The following LPP variants were observed in gnomAD, a reference collection of about 807,000 sequenced individuals.
LPP encodes LIM domain containing preferred translocation partner in lipoma.
Under a neutral mutation model 60.4 loss-of-function variants are expected in LPP, and 38 were observed. The observed-to-expected ratio is 0.63, with a 90% CI of 0.49 to 0.83. The LOEUF (loss-of-function observed/expected upper bound fraction) is 0.83, where lower values mean the gene tolerates loss of function less well. Among genes scored for constraint, LPP ranks in the 40% least tolerant of loss-of-function variants. LPP has a pLI of 0.00. For missense variants in LPP, 902 were observed against 783.6 expected (o/e 1.15, Z -1.80); for synonymous variants, 328 against 290.8 (o/e 1.13, Z -1.30).
At chr3:188,524,836 A>G (rs769768008) in intron 6 of LPP, 49 bp downstream of exon 6, 3 of 1,560,342 alleles carry the variant, frequency 1.9e-6, no homozygotes, top group Admixed American at 3.7e-5. Flanking sequence ...CAGATATTCT[A>G]CTCTTATCAG....
At chr3:188,311,219 T>C (rs569687463) in intron 2 of LPP, among the ~76,000 whole-genome samples, 1 of 152,022 alleles carries the variant, frequency 6.6e-6, no homozygotes, top group East Asian at 1.9e-4. Flanking sequence ...TACTGTCAAA[T>C]CCCGGCACTA....
intron 6 of LPP, among the ~76,000 whole-genome samples, chr3:188,592,453 G>C (rs1838948267): frequency 6.7e-6 from 1 of 149,976 alleles, no homozygotes; most frequent in African/African-American, 2.5e-5. Flanking sequence ...CAAAACAGTT[G>C]TTATCACTAA....
chr3:188,889,371 G>T lies in LPP; in HGVS notation c.*14892G>T, dbSNP rs1333813515. 4.3e-6 allele frequency: 1 copy of T among 231,618 alleles called. No homozygotes were observed. The highest frequency in any genetic ancestry group is 6.1e-5 in the East Asian group (1 of 16,408). The allele number at this position is 231,618 out of a possible 1,614,324, so 14.3% of individuals were successfully genotyped here. A position where few individuals can be genotyped will look rare whatever the true frequency, so the allele number is the denominator to read the frequency against. On this transcript the variant is annotated 3_prime_UTR_variant, in exon 12 of 12. Coordinates refer to ENST00000617246, the MANE Select transcript of LPP (RefSeq NM_001375462.1). ...AGACAGTGCATGATTGTAGGAGAAG[G>T]GTTGAAGGGAGGACATGATTCCAAA...
intron 7 of LPP, among the ~76,000 whole-genome samples, chr3:188,679,519 CTGTGTGTGTGTGTGTGTG>C (rs56733573): frequency 1.4e-5 from 2 of 143,202 alleles, no homozygotes; most frequent in Middle Eastern, 3.8e-3. Flanking sequence ...TTTGAATACT[CTGTGTGTGTGTGTGTGTG>C]TGTGTGTGTG....
At chr3:188,582,471 G>A (rs140878397) in intron 6 of LPP, among the ~76,000 whole-genome samples, 10 of 152,036 alleles carry the variant, frequency 6.6e-5, no homozygotes, top group South Asian at 4.1e-4. Flanking sequence ...ATGAGCCACC[G>A]TGCCTGGGCT....
intron 6 of LPP, among the ~76,000 whole-genome samples, chr3:188,596,624 A>G (rs192973316): frequency 6.6e-6 from 1 of 152,178 alleles, no homozygotes; most frequent in Non-Finnish European, 1.5e-5. Context: ...AGGAAAAAAA[A>G]AACTGAGCAA....
intron 4 of LPP, among the ~76,000 whole-genome samples, chr3:188,432,149 A>T (rs1435339552): frequency 6.6e-6 from 1 of 152,166 alleles, no homozygotes; most frequent in African/African-American, 2.4e-5. Context: ...GATGAAATTA[A>T]GGCTCAGAGA....
At chr3:188,651,733 A>G (rs1852127154) in intron 7 of LPP, among the ~76,000 whole-genome samples, 1 of 152,150 alleles carries the variant, frequency 6.6e-6, no homozygotes, top group South Asian at 2.1e-4. Flanking sequence ...ATTTACTATC[A>G]TGAGAACAGC....
At chr3:188,634,712 C>G (rs1848416656) in intron 7 of LPP, among the ~76,000 whole-genome samples, 1 of 152,192 alleles carries the variant, frequency 6.6e-6, no homozygotes, top group African/African-American at 2.4e-5. Context: ...GATGATCTGT[C>G]ACTGTCTCCC....
Position 188,876,275 on chromosome 3 carries a change from T to C in LPP, c.*1796T>C, listed in dbSNP as rs2152069130. The C allele has an allele frequency of 5.3e-6, 1 of 188,894 alleles. No individual in the cohort carries two copies. Among genetic ancestry groups the C allele is most frequent in the East Asian group, 8.6e-5 (1 of 11,686 alleles). 11.7% of individuals were successfully genotyped at this position (188,894 alleles called of 1,614,324 possible). On this transcript the variant is annotated 3_prime_UTR_variant, in exon 12 of 12. Transcript: ENST00000617246. Reference sequence around the variant, plus strand: ...AATGATCATAAAAGTGATTCTTTTTTTGTGACTAGAAATTCTTAAGCCGAT... The same window carrying C: ...AATGATCATAAAAGTGATTCTTTTTCTGTGACTAGAAATTCTTAAGCCGAT...
chr3:188,365,153 T>C (rs1031775478), intron 3 of LPP, among the ~76,000 whole-genome samples: 7 of 151,594 alleles, frequency 4.6e-5, no homozygotes, highest in Non-Finnish European at 1.0e-4. Context: ...TTAATCTTAC[T>C]TTTCTCTCTT....
chr3:188,436,965 G>C (rs1425534845), intron 4 of LPP, among the ~76,000 whole-genome samples: 1 of 152,098 alleles, frequency 6.6e-6, no homozygotes, highest in Non-Finnish European at 1.5e-5. Context: ...CAGAGGTGCA[G>C]TAGGGATGAT....
chr3:188,235,806 G>A, intron 2 of LPP, among the ~76,000 whole-genome samples: 1 of 152,208 alleles, frequency 6.6e-6, no homozygotes, highest in South Asian at 2.1e-4. Context: ...TCAATGATTG[G>A]CTGTTTTTGT....
At chr3:188,676,138 A>G (rs1177553893) in intron 7 of LPP, among the ~76,000 whole-genome samples, 5 of 152,168 alleles carry the variant, frequency 3.3e-5, no homozygotes, top group Non-Finnish European at 7.4e-5. Context: ...AAAAATAGGT[A>G]GCAGTCACCA....
intron 7 of LPP, among the ~76,000 whole-genome samples, chr3:188,626,024 A>ATG (rs747124028): frequency 9.9e-5 from 15 of 151,798 alleles, no homozygotes; most frequent in South Asian, 6.2e-4. Flanking sequence ...ATTTATAAGT[A>ATG]TGTGTGTGTG....
At chr3:188,441,964 G>C (rs1472276863) in intron 4 of LPP, among the ~76,000 whole-genome samples, 1 of 152,030 alleles carries the variant, frequency 6.6e-6, no homozygotes, top group Admixed American at 6.6e-5. Flanking sequence ...GTGTGTAAAA[G>C]AACATATAAC....
At chr3:188,215,341 G>A (rs1713128113) in intron 1 of LPP, among the ~76,000 whole-genome samples, 1 of 151,918 alleles carries the variant, frequency 6.6e-6, no homozygotes, top group Non-Finnish European at 1.5e-5. Context: ...CAGTTCAGCA[G>A]TGTTAAATAC....
In LPP at chr3:188,541,436, C is replaced by G. The variant is rs536700517; in HGVS notation, c.429+16649C>G. On this transcript the variant is annotated intron_variant, in intron 6 of 11. Coordinates refer to ENST00000617246, the MANE Select transcript of LPP (RefSeq NM_001375462.1). ...TAGCTGCACACCCTTAAGGCTTGCC[C>G]TAGTGTCAAAAGTGGATGCTAGTTT... Among the ~76,000 whole-genome samples the G allele has an allele frequency of 1.1e-4, 16 of 152,160 alleles. No homozygotes were observed. In the South Asian group the frequency reaches 3.1e-3, roughly 30 times the overall value.
At chr3:188,755,809 C>CAAAAAAAAAAAAAAAAAAAAA (rs58696911) in intron 8 of LPP, among the ~76,000 whole-genome samples, 2 of 73,984 alleles carry the variant, frequency 2.7e-5, no homozygotes, top group Admixed American at 1.5e-4. Flanking sequence ...GATCCTGTCA[C>CAAAAAAAAAAAAAAAAAAAAA]AAAAAAAAAA....
Sources: allele counts gnomAD v4.1 joint callset (sites outside exome capture counted in the v4.1 genomes callset), GRCh38; gene constraint gnomAD v4.1.1; transcripts MANE v1.5; gene names NCBI Gene and HGNC (gene_info 2026-07-23, HGNC 2026-07-21).